The following TCF7L1 variants were observed in gnomAD, a reference collection of about 807,000 sequenced individuals.
The protein encoded by TCF7L1 is transcription factor 7-like 1.
Under a neutral mutation model 63.7 loss-of-function variants are expected in TCF7L1, and 18 were observed. The observed-to-expected ratio is 0.28, with a 90% CI of 0.20 to 0.42. The LOEUF (loss-of-function observed/expected upper bound fraction) is 0.42, where lower values mean the gene tolerates loss of function less well. TCF7L1 is among the 10% of genes least tolerant of loss of function. The pLI, the probability that TCF7L1 is intolerant of heterozygous loss-of-function variation, is 1.00. For synonymous variants in TCF7L1, 355 were observed against 340.9 expected, an observed-to-expected ratio of 1.04 and a Z score of -0.46; for missense variants, 654 against 779.3, an observed-to-expected ratio of 0.84 and a Z score of 1.91.
At chr2:85,286,355 T>C in intron 4 of TCF7L1, among the ~76,000 whole-genome samples, 1 of 149,380 alleles carries the variant, frequency 6.7e-6, no homozygotes, top group East Asian at 2.0e-4. Context: ...ACTCTGTGAC[T>C]CAAAAAACAA....
chr2:85,262,217 C>T lies in TCF7L1; in HGVS notation c.442-21278C>T, dbSNP rs145438217. The stretch of plus-strand genomic sequence containing the variant: ...GCATATTCACTTGCTCATAGAGCCA[C>T]ACCTGAATCTGCGATCTATTTTGTA... On this transcript the variant is annotated intron_variant, in intron 3 of 11. Coordinates refer to ENST00000282111, the MANE Select transcript of TCF7L1 (RefSeq NM_031283.3). The T allele has an allele frequency of 6.5e-4, 360 of 551,296 alleles. 3 individuals carry two copies. Among genetic ancestry groups the T allele is most frequent in the African/African-American group, 6.3e-3 (333 of 52,498 alleles). The allele number at this position is 551,296 out of a possible 1,614,324, so 34.2% of individuals were successfully genotyped here.
At chr2:85,258,377 C>T (rs957841896) in intron 3 of TCF7L1, among the ~76,000 whole-genome samples, 1 of 152,286 alleles carries the variant, frequency 6.6e-6, no homozygotes, top group African/African-American at 2.4e-5. Flanking sequence ...CTTCCCTGGA[C>T]GTGCACCAAG....
chr2:85,249,165 C>A (rs1285218931), intron 3 of TCF7L1, among the ~76,000 whole-genome samples: 1 of 152,192 alleles, frequency 6.6e-6, no homozygotes. Context: ...TCACTAGTTG[C>A]AGTTTTTCTC....
At chr2:85,149,407 T>A (rs1438982397) in intron 3 of TCF7L1, among the ~76,000 whole-genome samples, 6 of 152,218 alleles carry the variant, frequency 3.9e-5, no homozygotes, top group Non-Finnish European at 5.9e-5. Flanking sequence ...ATGTAAGCAG[T>A]ATAGTATATA....
chr2:85,268,437 C>G (rs1483897711), intron 3 of TCF7L1, among the ~76,000 whole-genome samples: 1 of 151,202 alleles, frequency 6.6e-6, no homozygotes, highest in Non-Finnish European at 1.5e-5. Context: ...TGCTTAAGGC[C>G]GTGGGGACCC....
chr2:85,225,194 A>AG (rs1213528238), intron 3 of TCF7L1, among the ~76,000 whole-genome samples: 3 of 151,988 alleles, frequency 2.0e-5, no homozygotes, highest in African/African-American at 7.2e-5. Flanking sequence ...CTTGTAGTAT[A>AG]TTTGAAGTCA....
At chr2:85,195,959 C>T (rs1035644603) in intron 3 of TCF7L1, among the ~76,000 whole-genome samples, 1 of 152,196 alleles carries the variant, frequency 6.6e-6, no homozygotes, top group Non-Finnish European at 1.5e-5. Context: ...AAAAGGATTT[C>T]TTTAAAGGAC....
At chr2:85,284,805 A>C (rs1681504554) in intron 4 of TCF7L1, among the ~76,000 whole-genome samples, 1 of 152,202 alleles carries the variant, frequency 6.6e-6, no homozygotes, top group Admixed American at 6.5e-5. Context: ...TAATTACAGA[A>C]AATTTTAAAG....
At chr2:85,264,635 G>A (rs1287067895) in intron 3 of TCF7L1, among the ~76,000 whole-genome samples, 19 of 152,160 alleles carry the variant, frequency 1.2e-4, no homozygotes, top group Admixed American at 1.2e-3. Context: ...GTTCTACTAG[G>A]TCAGTCAGGA....
chr2:85,283,354 C>T, intron 3 of TCF7L1, 141 bp from the exon 4 acceptor site: 1 of 760,602 alleles, frequency 1.3e-6, no homozygotes, highest in South Asian at 1.5e-5. Context: ...TGGAAATTGA[C>T]CCAGTACAGG....
At chr2:85,148,649 T>G (rs951699515) in intron 3 of TCF7L1, among the ~76,000 whole-genome samples, 1 of 152,016 alleles carries the variant, frequency 6.6e-6, no homozygotes, top group African/African-American at 2.4e-5. Flanking sequence ...CTCCAGGATA[T>G]AAAAAGAAAT....
In TCF7L1 at chr2:85,134,849, C is replaced by T. The variant is rs1438944149; in HGVS notation, c.441+399C>T. 6.6e-6 allele frequency among the ~76,000 whole-genome samples: 1 copy of T among 152,124 alleles called. No individual in the cohort carries two copies. The highest frequency in any genetic ancestry group is 2.4e-5 in the African/African-American group (1 of 41,436). ...GAGCTGGGTTGGCGACGTTGTCCTC[C>T]GACTCCGGGTTCACTGGGCGGCTGC... On this transcript the variant is annotated intron_variant, in intron 3 of 11. Transcript: ENST00000282111. This position sits in a 1 kb window ranked among gnomAD's most constrained non-coding sequence, Gnocchi z 5.0.
chr2:85,231,689 C>T (rs1680084533), intron 3 of TCF7L1, among the ~76,000 whole-genome samples: 1 of 152,154 alleles, frequency 6.6e-6, no homozygotes, highest in Admixed American at 6.5e-5. Context: ...AATCGACTCC[C>T]CCAAAAGTTA....
intron 3 of TCF7L1, among the ~76,000 whole-genome samples, chr2:85,164,324 G>T (rs1016334330): frequency 6.6e-6 from 1 of 152,230 alleles, no homozygotes; most frequent in Non-Finnish European, 1.5e-5. Flanking sequence ...GGCAGCAGTG[G>T]CTGAAGGGAG....
At position 85,283,521 on chromosome 2, in the gene TCF7L1, C is replaced by G; in HGVS notation, c.468C>G (p.Leu156=). Residue 156 remains leucine (L), a synonymous_variant, in exon 4 of 12, where the codon CTC becomes CTG. Transcript: ENST00000282111. ...ACCTGCAGATGAAATGGCCCCTCCT[C>G]GATGTCCCCTCCAGCGCCACAGTCA... ...RTYLQMKWPL[L]DVPSSATVKD... 1 of 1,614,136 alleles carries G rather than the reference C, an allele frequency of 6.2e-7. No homozygotes were observed.
rs1273252049 is a variant in TCF7L1, at chr2:85,134,467, C to T, written c.441+17C>T. On this transcript the variant is annotated intron_variant, in intron 3 of 11. Coordinates refer to ENST00000282111, the MANE Select transcript of TCF7L1 (RefSeq NM_031283.3). The surrounding 1 kb of genome is among the most constrained non-coding windows in gnomAD (Gnocchi z 5.0). ...GCGCGCACCGTGAGTGCCCGTCGGG[C>T]GCGCCGGGGAGGGTGGGAGGCCGCG... The T allele has an allele frequency of 1.3e-6, 2 of 1,548,404 alleles. No homozygotes were observed. Among genetic ancestry groups the T allele is most frequent in the Non-Finnish European group, 1.7e-6 (2 of 1,145,830 alleles).
chr2:85,250,648 G>T (rs1455758409), intron 3 of TCF7L1, among the ~76,000 whole-genome samples: 2 of 152,116 alleles, frequency 1.3e-5, no homozygotes, highest in East Asian at 1.9e-4. Flanking sequence ...TGTTGGCCAG[G>T]CTGGTCTCGA....
intron 3 of TCF7L1, among the ~76,000 whole-genome samples, chr2:85,228,329 G>T (rs1680002452): frequency 6.6e-6 from 1 of 152,162 alleles, no homozygotes; most frequent in Non-Finnish European, 1.5e-5. Flanking sequence ...GTTGAGGCAG[G>T]AGGATCCCTT....
rs1167747216 is a variant in TCF7L1, at chr2:85,291,993, A to ATTT, written c.525+8458_525+8460dup. On this transcript the variant is annotated intron_variant, in intron 4 of 11. Coordinates refer to ENST00000282111, the MANE Select transcript of TCF7L1 (RefSeq NM_031283.3). ...AGTGCTGAGTTTACTGGTCATATGT[A>ATTT]TTTTTTTTTTTTTTTTTTTTTTTTT... Among the ~76,000 whole-genome samples the ATTT allele has an allele frequency of 2.4e-3, 33 of 13,824 alleles. 2 individuals carry two copies. The highest frequency in any genetic ancestry group is 2.5e-3 in the Non-Finnish European group (26 of 10,214). 9.1% of individuals were successfully genotyped at this position (13,824 alleles called of 152,430 possible). A position where few individuals can be genotyped will look rare whatever the true frequency, so the allele number is the denominator to read the frequency against.
Sources: gnomAD v4.1 joint callset for allele counts (sites outside exome capture counted in the v4.1 genomes callset) on GRCh38, gnomAD v4.1.1 for gene constraint, Gnocchi (gnomAD v3.1) non-coding constraint, MANE v1.5 for transcripts, NCBI Gene and HGNC (gene_info 2026-07-23, HGNC 2026-07-21) for gene names.